The following DCLK1 variants were observed in gnomAD, a reference collection of about 807,000 sequenced individuals.
DCLK1 encodes the protein doublecortin like kinase 1.
Under a neutral mutation model 86.2 loss-of-function variants are expected in DCLK1, and 16 were observed. That is an observed-to-expected ratio of 0.19 (90% CI 0.13 to 0.28). The LOEUF (loss-of-function observed/expected upper bound fraction) is 0.28, where lower values mean the gene tolerates loss of function less well. DCLK1 is among the 10% of genes least tolerant of loss of function. The pLI, the probability that DCLK1 is intolerant of heterozygous loss-of-function variation, is 1.00. For missense variants in DCLK1, 590 were observed against 940.2 expected, an observed-to-expected ratio of 0.63 and a Z score of 4.87; for synonymous variants, 369 against 370.5, an observed-to-expected ratio of 1.00 and a Z score of 0.05.
At chr13:35,953,146 C>G (rs1354085298) in intron 3 of DCLK1, among the ~76,000 whole-genome samples, 1 of 152,190 alleles carries the variant, frequency 6.6e-6, no homozygotes, top group Non-Finnish European at 1.5e-5. Context: ...CATGATAACA[C>G]TGAATCCTTT....
At chr13:36,069,178 G>T (rs1883875536) in intron 3 of DCLK1, among the ~76,000 whole-genome samples, 1 of 152,132 alleles carries the variant, frequency 6.6e-6, no homozygotes. Flanking sequence ...ACAAAGCTTT[G>T]TTGGAAAAGT....
rs1297026204 is a variant in DCLK1, at chr13:35,769,847, GTTCT to G, written c.*4684_*4687del. The G allele has an allele frequency of 2.0e-5, 3 of 152,156 alleles. No homozygotes were observed. The highest frequency in any genetic ancestry group is 4.4e-5 in the Non-Finnish European group (3 of 68,010). The allele number at this position is 152,156 out of a possible 1,614,324, so 9.4% of individuals were successfully genotyped here. ...CAGGTATGATTTAATTTTAGAGAGTGTTCTTTCTTTAGGGAACAAAATGAAACTA... is the reference window on the plus strand; with the variant it reads ...CAGGTATGATTTAATTTTAGAGAGTGTTCTTTAGGGAACAAAATGAAACTA... On this transcript the variant is annotated 3_prime_UTR_variant, in exon 17 of 17. Coordinates refer to ENST00000360631, the MANE Select transcript of DCLK1 (RefSeq NM_001330071.2).
chr13:35,982,373 C>T (rs1466363370), intron 3 of DCLK1, among the ~76,000 whole-genome samples: 3 of 143,576 alleles, frequency 2.1e-5, no homozygotes, highest in Non-Finnish European at 3.0e-5. Flanking sequence ...AGAGTGAGAC[C>T]CTATTTCAAG....
chr13:35,844,582 G>A (rs930723712), intron 6 of DCLK1, among the ~76,000 whole-genome samples: 2 of 152,152 alleles, frequency 1.3e-5, no homozygotes, highest in African/African-American at 2.4e-5. Context: ...AAGCAGCCCA[G>A]GAAGTCATCC....
chr13:35,907,232 G>A (rs1041420115), intron 4 of DCLK1, among the ~76,000 whole-genome samples: 2 of 152,178 alleles, frequency 1.3e-5, no homozygotes, highest in East Asian at 3.9e-4. Context: ...CTGCAATCAT[G>A]GCTCACTGCT....
chr13:35,977,349 G>A (rs867324573), intron 3 of DCLK1, among the ~76,000 whole-genome samples: 2 of 152,228 alleles, frequency 1.3e-5, no homozygotes, highest in South Asian at 4.1e-4. Context: ...GTGGGCAGGA[G>A]GGAAGGGTAT....
intron 4 of DCLK1, among the ~76,000 whole-genome samples, chr13:35,901,972 A>T (rs979640265): frequency 6.6e-6 from 1 of 152,186 alleles, no homozygotes; most frequent in Non-Finnish European, 1.5e-5. Flanking sequence ...GAGCAATGGC[A>T]GAAGAAATTG....
intron 3 of DCLK1, among the ~76,000 whole-genome samples, chr13:36,107,284 A>G (rs1885428864): frequency 1.3e-5 from 2 of 149,280 alleles, no homozygotes; most frequent in African/African-American, 5.0e-5. Flanking sequence ...TGTTTTCCAT[A>G]TTGGGAAAAC....
intron 3 of DCLK1, among the ~76,000 whole-genome samples, chr13:36,055,252 C>T (rs1465298027): frequency 1.3e-5 from 2 of 152,096 alleles, no homozygotes; most frequent in African/African-American, 4.8e-5. Flanking sequence ...CCAACCTGGA[C>T]GCATTAGTAG....
intron 8 of DCLK1, among the ~76,000 whole-genome samples, chr13:35,829,736 C>T (rs377677631): frequency 2.0e-5 from 3 of 152,134 alleles, no homozygotes; most frequent in African/African-American, 4.8e-5. Flanking sequence ...ATGATGACTT[C>T]GAAGCCTCTT....
chr13:36,005,844 A>T (rs1025095360), intron 3 of DCLK1, among the ~76,000 whole-genome samples: 4 of 152,188 alleles, frequency 2.6e-5, no homozygotes, highest in Non-Finnish European at 5.9e-5. Context: ...CATAAAAAAG[A>T]ATGAGTTCAT....
chr13:36,130,529 A>C (rs1886326299), intron 1 of DCLK1, among the ~76,000 whole-genome samples: 1 of 152,154 alleles, frequency 6.6e-6, no homozygotes, highest in Admixed American at 6.5e-5. Context: ...CCTCTCCGCA[A>C]GCTTTTAGCA....
At chr13:36,122,950 C>G (rs956814066) in intron 2 of DCLK1, among the ~76,000 whole-genome samples, 2 of 152,116 alleles carry the variant, frequency 1.3e-5, no homozygotes, top group Non-Finnish European at 2.9e-5. Flanking sequence ...TAGATAAAAA[C>G]AAAACAGTGA....
At chr13:35,852,030 G>A (rs988867116) in intron 6 of DCLK1, among the ~76,000 whole-genome samples, 1 of 150,792 alleles carries the variant, frequency 6.6e-6, no homozygotes, top group African/African-American at 2.5e-5. Flanking sequence ...TGTGTGTTGG[G>A]GTGGGGGCAG....
intron 3 of DCLK1, among the ~76,000 whole-genome samples, chr13:36,013,977 G>GC (rs1881417755): frequency 6.6e-6 from 1 of 151,982 alleles, no homozygotes; most frequent in African/African-American, 2.4e-5. Context: ...TTCGCCAGGT[G>GC]CGTCCGTCAC....
chr13:36,098,719 T>C (rs1842795447), intron 3 of DCLK1, among the ~76,000 whole-genome samples: 1 of 152,170 alleles, frequency 6.6e-6, no homozygotes, highest in Non-Finnish European at 1.5e-5. Flanking sequence ...TTTGATAATC[T>C]TGTAAAGTTT....
intron 3 of DCLK1, among the ~76,000 whole-genome samples, chr13:35,988,665 T>C (rs1880060120): frequency 6.6e-6 from 1 of 152,234 alleles, no homozygotes; most frequent in South Asian, 2.1e-4. Flanking sequence ...AAATCTATTT[T>C]TCAACAGCTG....
chr13:35,864,654 CTTTT>C (rs759910103), intron 5 of DCLK1, among the ~76,000 whole-genome samples: 1 of 112,612 alleles, frequency 8.9e-6, no homozygotes, highest in Non-Finnish European at 1.7e-5. Flanking sequence ...TTTCTTCTCT[CTTTT>C]TTTTTTTTTT....
intron 4 of DCLK1, among the ~76,000 whole-genome samples, chr13:35,890,252 A>T (rs951473350): frequency 1.3e-5 from 2 of 152,164 alleles, no homozygotes; most frequent in African/African-American, 4.8e-5. Flanking sequence ...CTAAAAGGTC[A>T]GAGAATATAT....
Sources: allele counts gnomAD v4.1 joint callset (sites outside exome capture counted in the v4.1 genomes callset), GRCh38; gene constraint gnomAD v4.1.1; transcripts MANE v1.5; gene names NCBI Gene and HGNC (gene_info 2026-07-23, HGNC 2026-07-21).